Variants in ITPK1 observed in about 807,000 individuals in gnomAD.
The protein encoded by ITPK1 is inositol 1,3,4-trisphosphate 5/6-kinase.
In ITPK1, 21 loss-of-function variants were observed where a neutral mutation model predicts 45.3. The observed-to-expected ratio is 0.46, with a 90% CI of 0.33 to 0.67. ITPK1 has a LOEUF of 0.67. Ranked by LOEUF, ITPK1 falls within the 30% of genes least tolerant of loss-of-function variation. ITPK1 has a pLI of 0.02. For synonymous variants in ITPK1, 258 were observed against 253.6 expected, an observed-to-expected ratio of 1.02 and a Z score of -0.16; for missense variants, 474 against 573.5, an observed-to-expected ratio of 0.83 and a Z score of 1.77.
intron 3 of ITPK1, among the ~76,000 whole-genome samples, chr14:93,056,692 G>A (rs1566760015): frequency 6.6e-6 from 1 of 152,122 alleles, no homozygotes; most frequent in Non-Finnish European, 1.5e-5. Flanking sequence ...CCTCAGAGCA[G>A]TGCCCCTCCT....
intron 4 of ITPK1, among the ~76,000 whole-genome samples, chr14:93,003,045 C>T (rs762024798): frequency 7.2e-5 from 11 of 152,192 alleles, no homozygotes; most frequent in Non-Finnish European, 1.5e-5. Flanking sequence ...GAGGAGGGTC[C>T]GCGTGGCGCA....
intron 2 of ITPK1, among the ~76,000 whole-genome samples, chr14:93,080,311 T>C (rs1891385970): frequency 1.3e-5 from 2 of 152,236 alleles, no homozygotes; most frequent in South Asian, 4.1e-4. Flanking sequence ...GACTTCCTTT[T>C]CACTGTGTCC....
At chr14:93,088,306 C>T (rs1891726267) in intron 2 of ITPK1, among the ~76,000 whole-genome samples, 2 of 150,040 alleles carry the variant, frequency 1.3e-5, no homozygotes, top group African/African-American at 2.5e-5. Context: ...TGGGTGGGTA[C>T]AATGGTTGCA....
chr14:92,993,456 G>T (rs911891188), intron 5 of ITPK1, among the ~76,000 whole-genome samples: 3 of 152,168 alleles, frequency 2.0e-5, no homozygotes, highest in African/African-American at 7.2e-5. Context: ...GTGGACCCAT[G>T]AGGTCCAGCA....
At chr14:93,087,564 T>C (rs1891697427) in intron 2 of ITPK1, among the ~76,000 whole-genome samples, 1 of 152,246 alleles carries the variant, frequency 6.6e-6, no homozygotes, top group African/African-American at 2.4e-5. Flanking sequence ...TGTAGTCATG[T>C]CATACCCTTT....
At chr14:93,004,192 G>A (rs528740885) in intron 4 of ITPK1, among the ~76,000 whole-genome samples, 1 of 152,216 alleles carries the variant, frequency 6.6e-6, no homozygotes, top group Non-Finnish European at 1.5e-5. Flanking sequence ...AGGGAGGCCA[G>A]CAGGAGGCAC....
intron 5 of ITPK1, among the ~76,000 whole-genome samples, chr14:92,987,262 G>C (rs1886534678): frequency 6.6e-6 from 1 of 152,240 alleles, no homozygotes. Context: ...GCTGCGAGTA[G>C]GCCTGTGGGC....
intron 4 of ITPK1, among the ~76,000 whole-genome samples, chr14:93,000,998 G>T (rs957293565): frequency 1.3e-4 from 16 of 126,234 alleles, no homozygotes; most frequent in Non-Finnish European, 2.1e-4. Flanking sequence ...AAAAAAAAAA[G>T]GCTGGGCACG....
chr14:92,946,609 G>A, intron 9 of ITPK1, 116 bp from the exon 10 acceptor site: 1 of 1,043,992 alleles, frequency 9.6e-7, no homozygotes, highest in South Asian at 1.5e-5. Context: ...AGGCCAGGAA[G>A]CCAGACAGAC....
In ITPK1 at chr14:92,939,746, G is replaced by A; in HGVS notation, c.*1815C>T. 2.0e-6 allele frequency: 2 copies of A among 985,558 alleles called. No individual in the cohort carries two copies. Among genetic ancestry groups the A allele is most frequent in the Non-Finnish European group, 1.2e-6 (1 of 829,962 alleles). 61.1% of individuals were successfully genotyped at this position (985,558 alleles called of 1,614,324 possible). A position where few individuals can be genotyped will look rare whatever the true frequency, so the allele number is the denominator to read the frequency against. On this transcript the variant is annotated 3_prime_UTR_variant, in exon 11 of 11. Transcript: ENST00000267615. ...GCTGCACACCCCCACCCGTACCTGA[G>A]GCAGACTGGGATTGAAATTTTATTT...
intron 3 of ITPK1, among the ~76,000 whole-genome samples, chr14:93,053,728 T>G (rs1341938714): frequency 1.3e-5 from 2 of 152,138 alleles, no homozygotes; most frequent in East Asian, 3.8e-4. Context: ...GGGGGCTGCA[T>G]GTGTGTCAGG....
At chr14:93,114,812 G>A (rs1892873300) in intron 2 of ITPK1, among the ~76,000 whole-genome samples, 1 of 152,130 alleles carries the variant, frequency 6.6e-6, no homozygotes, top group African/African-American at 2.4e-5. Context: ...GCTGCTGGGG[G>A]CCTCCCCAGC....
chr14:93,101,861 C>A (rs907232260), intron 2 of ITPK1, among the ~76,000 whole-genome samples: 1 of 152,124 alleles, frequency 6.6e-6, no homozygotes, highest in African/African-American at 2.4e-5. Flanking sequence ...GGCTATGAAA[C>A]CCCGGGAAAG....
intron 10 of ITPK1, 74 bp from the exon 11 acceptor site, chr14:92,941,978 G>GAGT (rs1286752043): frequency 1.5e-6 from 2 of 1,336,514 alleles, no homozygotes; most frequent in African/African-American, 2.9e-5. Context: ...GGAGGAGGAG[G>GAGT]CAGAACCGAT....
intron 10 of ITPK1, among the ~76,000 whole-genome samples, chr14:92,942,217 A>G (rs1887465257): frequency 1.3e-5 from 2 of 152,112 alleles, no homozygotes; most frequent in South Asian, 4.1e-4. Context: ...TGTCTCACCC[A>G]CCCATCCACT....
intron 2 of ITPK1, among the ~76,000 whole-genome samples, chr14:93,106,478 C>G (rs998222778): frequency 7.2e-5 from 11 of 152,182 alleles, no homozygotes; most frequent in Admixed American, 7.2e-4. Context: ...TGGTAGAGGC[C>G]AGGGTGTGTG....
chr14:93,018,150 A>G (rs907939497), intron 3 of ITPK1, among the ~76,000 whole-genome samples: 2 of 152,176 alleles, frequency 1.3e-5, no homozygotes, highest in African/African-American at 4.8e-5. Context: ...GCACAGCAGA[A>G]GATGGGCAAG....
intron 2 of ITPK1, among the ~76,000 whole-genome samples, chr14:93,110,519 G>A (rs1892708079): frequency 6.6e-6 from 1 of 152,158 alleles, no homozygotes; most frequent in Admixed American, 6.5e-5. Context: ...ACAAATGTAG[G>A]GCCCAAGGGG....
intron 2 of ITPK1, among the ~76,000 whole-genome samples, chr14:93,098,325 C>T (rs970718833): frequency 2.0e-5 from 3 of 151,956 alleles, no homozygotes; most frequent in African/African-American, 7.3e-5. Flanking sequence ...GGCATGGTGG[C>T]GGGCACCTGT....
Sources: allele counts gnomAD v4.1 joint callset (sites outside exome capture counted in the v4.1 genomes callset), GRCh38; gene constraint gnomAD v4.1.1; transcripts MANE v1.5; gene names NCBI Gene and HGNC (gene_info 2026-07-23, HGNC 2026-07-21).